Variants in TIGD1 observed in about 807,000 individuals in gnomAD.
TIGD1 encodes the protein tigger transposable element derived 1.
A neutral mutation model predicts 21.3 loss-of-function variants in TIGD1; 20 were observed. The ratio of observed to expected loss-of-function variants is 0.94; its 90% CI spans 0.66 to 1.36. The LOEUF is 1.36. TIGD1 is among the 40% of genes most tolerant of loss of function. The pLI, the probability that TIGD1 is intolerant of heterozygous loss-of-function variation, is 0.00. For synonymous variants in TIGD1, 177 were observed against 123.2 expected (o/e 1.44, Z -2.89); for missense variants, 556 against 350.5 (o/e 1.59, Z -4.68).
Position 232,544,358 on chromosome 2 carries a change from C to T in TIGD1, c.*3749G>A, listed in dbSNP as rs769731616. On this transcript the variant is annotated 3_prime_UTR_variant, in exon 1 of 1. Coordinates refer to ENST00000408957, the MANE Select transcript of TIGD1 (RefSeq NM_145702.4). The stretch of plus-strand genomic sequence containing the variant: ...GCCTGCTGCCCTAGTGAAGCCACCC[C>T]CTCTCTAGGTGTTCCTGAGGCTCTT... 15 of 1,610,966 alleles carry T rather than the reference C, an allele frequency of 9.3e-6. No individual in the cohort carries two copies. The highest frequency in any genetic ancestry group is 1.3e-5 in the Non-Finnish European group (15 of 1,178,160).
rs1380722349 is a variant in TIGD1, at chr2:232,547,051, C to T, written c.*1056G>A. ...GTTTGGCTGGTAACCAGGGGACACC[C>T]TTGGGCAAGTCACCTATGCTCCCTG... On this transcript the variant is annotated 3_prime_UTR_variant, in exon 1 of 1. Transcript: ENST00000408957. Among the ~76,000 whole-genome samples, 1 of 152,184 alleles carries T rather than the reference C, an allele frequency of 6.6e-6. No individual in the cohort carries two copies. The highest frequency in any genetic ancestry group is 1.9e-4 in the East Asian group (1 of 5,198).
In TIGD1 at chr2:232,544,577, C is replaced by A. The variant is rs955605115; in HGVS notation, c.*3530G>T. ...GCTGGTGGCGGCAGCGCTGGAGAAG[C>A]TAGGTGAGACACACCAGGTGTGCCT... On this transcript the variant is annotated 3_prime_UTR_variant, in exon 1 of 1. Transcript: ENST00000408957. 2 of 1,612,102 alleles carry A rather than the reference C, an allele frequency of 1.2e-6. No individual in the cohort carries two copies. Among genetic ancestry groups the A allele is most frequent in the Non-Finnish European group, 8.5e-7 (1 of 1,178,972 alleles).
rs1356415700 is a variant in TIGD1, at chr2:232,549,712, G to A, written c.171C>T (p.Phe57=). The A allele has an allele frequency of 1.1e-6, 1 of 899,654 alleles. No homozygotes were observed. The allele number at this position is 899,654 out of a possible 1,614,324, so 55.7% of individuals were successfully genotyped here. Residue 57 remains phenylalanine, a synonymous_variant, in exon 1 of 1, where the codon TTC becomes TTT. Coordinates refer to ENST00000408957, the MANE Select transcript of TIGD1 (RefSeq NM_145702.4). The part of the protein sequence containing the change: ...VSQVVNAKEK[F]LKEVKSATPM... ...GAGTAGCACTTTTAACTTCCTTCAA[G>A]AACTTTTCCTTTGCATTTACAACTT...
Position 232,546,682 on chromosome 2 carries a change from G to A in TIGD1, c.*1425C>T, listed in dbSNP as rs1301474619. Among the ~76,000 whole-genome samples, 2 of 151,994 alleles carry A rather than the reference G, an allele frequency of 1.3e-5. No individual in the cohort carries two copies. Among genetic ancestry groups the A allele is most frequent in the Non-Finnish European group, 2.9e-5 (2 of 68,016 alleles). ...CTCACAGCAGTATGGATAAGCAAGAGTCATTATTCCCCATGTTATATAGGC... is the reference window on the plus strand; with the variant it reads ...CTCACAGCAGTATGGATAAGCAAGAATCATTATTCCCCATGTTATATAGGC... On this transcript the variant is annotated 3_prime_UTR_variant, in exon 1 of 1. Coordinates refer to ENST00000408957, the MANE Select transcript of TIGD1 (RefSeq NM_145702.4).
chr2:232,545,837 G>T lies in TIGD1; in HGVS notation c.*2270C>A. 1 of 1,160,632 alleles carries T rather than the reference G, an allele frequency of 8.6e-7. No homozygotes were observed. Among genetic ancestry groups the T allele is most frequent in the Non-Finnish European group, 1.3e-6 (1 of 787,166 alleles). 71.9% of individuals were successfully genotyped at this position (1,160,632 alleles called of 1,614,324 possible). A position where few individuals can be genotyped will look rare whatever the true frequency, so the allele number is the denominator to read the frequency against. On this transcript the variant is annotated 3_prime_UTR_variant, in exon 1 of 1. Transcript: ENST00000408957. ...TTTGGGAAGTGCCCTTCAGGACTGT[G>T]TGAGCCAAACAGCCCTGAGAAAAGC...
chr2:232,548,082 C>G lies in TIGD1; in HGVS notation c.*25G>C. 1.6e-6 allele frequency: 1 copy of G among 612,052 alleles called. No homozygotes were observed. The highest frequency in any genetic ancestry group is 2.8e-6 in the Non-Finnish European group (1 of 360,324). 37.9% of individuals were successfully genotyped at this position (612,052 alleles called of 1,614,324 possible). ...ATATACATACCTAAATTTAAAAATACTTTATTGCTAAAAAATGCTGATTAT... is the reference window on the plus strand; with the variant it reads ...ATATACATACCTAAATTTAAAAATAGTTTATTGCTAAAAAATGCTGATTAT... On this transcript the variant is annotated 3_prime_UTR_variant, in exon 1 of 1. Coordinates refer to ENST00000408957, the MANE Select transcript of TIGD1 (RefSeq NM_145702.4).
In TIGD1 at chr2:232,548,818, T is replaced by G; in HGVS notation, c.1065A>C (p.Leu355=). The G allele has an allele frequency of 3.5e-6, 2 of 571,778 alleles. No homozygotes were observed. Among genetic ancestry groups the G allele is most frequent in the Non-Finnish European group, 6.5e-6 (2 of 306,730 alleles). The allele number at this position is 571,778 out of a possible 1,614,324, so 35.4% of individuals were successfully genotyped here. The stretch of plus-strand genomic sequence containing the variant: ...CAGAGACATCACTATCCATGGCAGC[T>G]AGAGCCTTATGAAATGTATTTCTCA... The part of the protein sequence containing the change: ...YYLRNTFHKA[L]AAMDSDVSDG... The change falls in exon 1 of 1, where the codon CTA becomes CTC. Residue 355 remains leucine (L), a synonymous_variant. Coordinates refer to ENST00000408957, the MANE Select transcript of TIGD1 (RefSeq NM_145702.4).
rs1212871342 is a variant in TIGD1, at chr2:232,544,581, G to C, written c.*3526C>G. 6.2e-7 allele frequency: 1 copy of C among 1,611,860 alleles called. No individual in the cohort carries two copies. The highest frequency in any genetic ancestry group is 1.1e-5 in the South Asian group (1 of 91,046). On this transcript the variant is annotated 3_prime_UTR_variant, in exon 1 of 1. Coordinates refer to ENST00000408957, the MANE Select transcript of TIGD1 (RefSeq NM_145702.4). ...GTGGCGGCAGCGCTGGAGAAGCTAG[G>C]TGAGACACACCAGGTGTGCCTGGGG...
In TIGD1 at chr2:232,544,448, C is replaced by T. The variant is rs774265808; in HGVS notation, c.*3659G>A. The stretch of plus-strand genomic sequence containing the variant: ...GGCAGCTGTGCAGGACACCCAGTCC[C>T]GGCTACAGAATGGCTCCTCGGGATG... On this transcript the variant is annotated 3_prime_UTR_variant, in exon 1 of 1. Coordinates refer to ENST00000408957, the MANE Select transcript of TIGD1 (RefSeq NM_145702.4). 1.7e-5 allele frequency: 28 copies of T among 1,613,630 alleles called. No individual in the cohort carries two copies. Among genetic ancestry groups the T allele is most frequent in the African/African-American group, 2.7e-5 (2 of 74,946 alleles).
Position 232,548,196 on chromosome 2 carries a change from C to T in TIGD1, c.1687G>A (p.Ala563Thr), listed in dbSNP as rs1692165148. The stretch of plus-strand genomic sequence containing the variant: ...GGTTGCTGACTGGTCAGGGTGGTGG[C>T]TGCTGAAGGTTGGGGTGGCTGTGGC... The part of the protein sequence containing the change: ...KLPQPPQPSA[A>T]TTLTSQQPST... Residue 563 changes from alanine to threonine, a missense_variant, in exon 1 of 1, where the codon GCC becomes ACC. Transcript: ENST00000408957. 1 of 1,535,556 alleles carries T rather than the reference C, an allele frequency of 6.5e-7. No individual in the cohort carries two copies. Among genetic ancestry groups the T allele is most frequent in the African/African-American group, 1.4e-5 (1 of 73,044 alleles).
At position 232,547,480 on chromosome 2, in the gene TIGD1, C is replaced by T. The variant is rs138813547; in HGVS notation, c.*627G>A. Reference sequence around the variant, plus strand: ...GTGAAAGTGCCACATAAAGGCCTGACGACAGGATATGCTGGCAGGAGGGGA... The same window carrying T: ...GTGAAAGTGCCACATAAAGGCCTGATGACAGGATATGCTGGCAGGAGGGGA... On this transcript the variant is annotated 3_prime_UTR_variant, in exon 1 of 1. Coordinates refer to ENST00000408957, the MANE Select transcript of TIGD1 (RefSeq NM_145702.4). 4.9e-3 allele frequency among the ~76,000 whole-genome samples: 745 copies of T among 152,262 alleles called. 5 individuals are homozygous for T. The highest frequency in any genetic ancestry group is 6.1e-3 in the Non-Finnish European group (415 of 68,022).
In TIGD1 at chr2:232,546,692, C is replaced by T. The variant is rs111399595; in HGVS notation, c.*1415G>A. 7.2e-5 allele frequency among the ~76,000 whole-genome samples: 11 copies of T among 152,160 alleles called. No individual in the cohort carries two copies. The highest frequency in any genetic ancestry group is 1.4e-4 in the African/African-American group (6 of 41,484). On this transcript the variant is annotated 3_prime_UTR_variant, in exon 1 of 1. Transcript: ENST00000408957. ...TATGGATAAGCAAGAGTCATTATTC[C>T]CCATGTTATATAGGCAAATTGAGCC...
Position 232,549,089 on chromosome 2 carries a change from G to A in TIGD1, c.794C>T (p.Ala265Val), listed in dbSNP as rs1312515801. 1.1e-5 allele frequency: 8 copies of A among 715,860 alleles called. No homozygotes were observed. The East Asian group carries it at 1.9e-4, about 17-fold the overall frequency. 44.3% of individuals were successfully genotyped at this position (715,860 alleles called of 1,614,324 possible). Residue 265 changes from alanine to valine, a missense_variant, in exon 1 of 1, where the codon GCC becomes GTC. Ala to Val is a moderately conservative substitution (Grantham distance 64, BLOSUM62 0). Coordinates refer to ENST00000408957, the MANE Select transcript of TIGD1 (RefSeq NM_145702.4). ...TGTAAACAGATGTGCTGTCATCCGG[G>A]CTTTGCTGTTCCATTTATATAGCAC... ...LPVLYKWNSK[A>V]RMTAHLFTAW...
In TIGD1 at chr2:232,545,828, CA is replaced by C. The variant is rs1224741452; in HGVS notation, c.*2278del. The stretch of plus-strand genomic sequence containing the variant: ...AGTGTGCTCTTTGGGAAGTGCCCTT[CA>C]GGACTGTGTGAGCCAAACAGCCCTG... On this transcript the variant is annotated 3_prime_UTR_variant, in exon 1 of 1. Transcript: ENST00000408957. The C allele has an allele frequency of 8.8e-6, 11 of 1,251,532 alleles. 1 individual carries two copies. In the Admixed American group the frequency reaches 8.9e-5, roughly 10 times the overall value. 77.5% of individuals were successfully genotyped at this position (1,251,532 alleles called of 1,614,324 possible). A position where few individuals can be genotyped will look rare whatever the true frequency, so the allele number is the denominator to read the frequency against.
chr2:232,545,675 T>A lies in TIGD1; in HGVS notation c.*2432A>T. ...CTACAACCGGGTGCCGGCCCTGCCA[T>A]TCCCTGGAGATCCACGCCCCTACCT... is the stretch of plus-strand genomic sequence containing the variant. On this transcript the variant is annotated 3_prime_UTR_variant, in exon 1 of 1. Transcript: ENST00000408957. 6.2e-7 allele frequency: 1 copy of A among 1,614,160 alleles called. No individual in the cohort carries two copies.
Position 232,545,414 on chromosome 2 carries a change from C to T in TIGD1, c.*2693G>A. On this transcript the variant is annotated 3_prime_UTR_variant, in exon 1 of 1. Coordinates refer to ENST00000408957, the MANE Select transcript of TIGD1 (RefSeq NM_145702.4). ...CCATGGAATTAGCCACCAGTTGGGA[C>T]CCGGACATAGGTAAGAAGGGCCCCA... is the stretch of plus-strand genomic sequence containing the variant. 3 of 865,436 alleles carry T rather than the reference C, an allele frequency of 3.5e-6. No homozygotes were observed. The highest frequency in any genetic ancestry group is 5.6e-6 in the Non-Finnish European group (3 of 536,642). The allele number at this position is 865,436 out of a possible 1,614,324, so 53.6% of individuals were successfully genotyped here. A position where few individuals can be genotyped will look rare whatever the true frequency, so the allele number is the denominator to read the frequency against.
rs1186904548 is a variant in TIGD1, at chr2:232,548,683, T to A, written c.1200A>T (p.Thr400=). 6 of 481,860 alleles carry A rather than the reference T, an allele frequency of 1.2e-5. No homozygotes were observed. Among genetic ancestry groups the A allele is most frequent in the Admixed American group, 2.3e-5 (1 of 42,554 alleles). The allele number at this position is 481,860 out of a possible 1,614,324, so 29.8% of individuals were successfully genotyped here. ...SWEEVKLSTL[T]GVWKKLIPTL... ...TGGGAATCAACTTCTTCCAAACTCCTGTTAATGTTGACAATTTGACCTCCT... is the reference window on the plus strand; with the variant it reads ...TGGGAATCAACTTCTTCCAAACTCCAGTTAATGTTGACAATTTGACCTCCT... The change falls in exon 1 of 1, where the codon ACA becomes ACT. Residue 400 remains threonine (T), a synonymous_variant. Transcript: ENST00000408957.
At position 232,548,122 on chromosome 2, in the gene TIGD1, G is replaced by T; in HGVS notation, c.1761C>A (p.Thr587=). The stretch of plus-strand genomic sequence containing the variant: ...ATGCTGATTATCAATCTGAGCCTTC[G>T]GTGAGTCGTACTCTTTTTGCTGGTG... ...DPPPAKRVRL[T]EGSD Residue 587 remains threonine, a synonymous_variant, in exon 1 of 1, where the codon ACC becomes ACA. Transcript: ENST00000408957. 1.3e-6 allele frequency: 1 copy of T among 798,922 alleles called. No homozygotes were observed. Among genetic ancestry groups the T allele is most frequent in the East Asian group, 2.8e-5 (1 of 35,196 alleles). The allele number at this position is 798,922 out of a possible 1,614,324, so 49.5% of individuals were successfully genotyped here.
Position 232,544,226 on chromosome 2 carries a change from T to C in TIGD1, c.*3881A>G. ...TTTGGGGACCCAGGCTCGTGTCCAGTATAGAAAGCTTTACCAAGGCCACGT... is the reference window on the plus strand; with the variant it reads ...TTTGGGGACCCAGGCTCGTGTCCAGCATAGAAAGCTTTACCAAGGCCACGT... On this transcript the variant is annotated 3_prime_UTR_variant, in exon 1 of 1. Coordinates refer to ENST00000408957, the MANE Select transcript of TIGD1 (RefSeq NM_145702.4). 2 of 754,402 alleles carry C rather than the reference T, an allele frequency of 2.7e-6. No homozygotes were observed. The highest frequency in any genetic ancestry group is 2.8e-5 in the South Asian group (2 of 71,248). 46.7% of individuals were successfully genotyped at this position (754,402 alleles called of 1,614,324 possible). A position where few individuals can be genotyped will look rare whatever the true frequency, so the allele number is the denominator to read the frequency against.
Sources: gnomAD v4.1 joint callset for allele counts (sites outside exome capture counted in the v4.1 genomes callset) on GRCh38, gnomAD v4.1.1 for gene constraint, MANE v1.5 for transcripts, NCBI Gene and HGNC (gene_info 2026-07-23, HGNC 2026-07-21) for gene names.